Variants in ZNF565 observed in about 807,000 individuals in gnomAD.
ZNF565 encodes zinc finger protein 565.
ZNF565 carries 27 observed loss-of-function variants against 39.4 expected under a neutral mutation model. The ratio of observed to expected loss-of-function variants is 0.69; its 90% confidence interval spans 0.51 to 0.95. The LOEUF (loss-of-function observed/expected upper bound fraction) is 0.95, where lower values mean the gene tolerates loss of function less well. ZNF565 is among the 40% of genes least tolerant of loss of function. The pLI is 0.00. For missense variants in ZNF565, 524 were observed against 621.1 expected, an observed-to-expected ratio of 0.84 and a Z score of 1.66; for synonymous variants, 185 against 216.6, an observed-to-expected ratio of 0.85 and a Z score of 1.28.
At chr19:36,221,633 G>A (rs961064057) in intron 1 of ZNF565, among the ~76,000 whole-genome samples, 4 of 152,118 alleles carry the variant, frequency 2.6e-5, no homozygotes, top group African/African-American at 7.2e-5. Context: ...ATTGAAGTAA[G>A]TAATGCATTT....
intron 1 of ZNF565, among the ~76,000 whole-genome samples, chr19:36,205,150 A>C (rs1015965375): frequency 1.8e-4 from 27 of 152,186 alleles, no homozygotes; most frequent in African/African-American, 6.3e-4. Context: ...TTCTTTGGGA[A>C]GCTGAGGTGT....
intron 1 of ZNF565, chr19:36,236,763 C>T: frequency 6.2e-7 from 1 of 1,614,144 alleles, no homozygotes; most frequent in Non-Finnish European, 8.5e-7. Flanking sequence ...TGCGGGAAAG[C>T]TTTCATTCAG....
chr19:36,187,996 C>T (rs759660390), intron 4 of ZNF565, among the ~76,000 whole-genome samples: 6 of 151,584 alleles, frequency 4.0e-5, no homozygotes, highest in Non-Finnish European at 8.8e-5. Flanking sequence ...TTAACAAAAT[C>T]GTCATCTTGG....
chr19:36,214,377 C>G (rs1354123197), intron 1 of ZNF565, among the ~76,000 whole-genome samples: 4 of 152,178 alleles, frequency 2.6e-5, no homozygotes, highest in African/African-American at 4.8e-5. Context: ...GGGACACACG[C>G]AGTATCACCC....
chr19:36,200,196 T>C (rs192023268), intron 2 of ZNF565, among the ~76,000 whole-genome samples: 5 of 151,574 alleles, frequency 3.3e-5, no homozygotes, highest in Admixed American at 1.3e-4. Context: ...CGGCTAATTT[T>C]TGTATTTTCA....
intron 1 of ZNF565, among the ~76,000 whole-genome samples, chr19:36,202,480 T>C: frequency 6.6e-6 from 1 of 151,800 alleles, no homozygotes; most frequent in East Asian, 1.9e-4. Context: ...GAAAGATGGT[T>C]TCAAGGCAGA....
At chr19:36,194,559 A>G (rs1225800943) in intron 3 of ZNF565, 4 of 494,452 alleles carry the variant, frequency 8.1e-6, no homozygotes, top group African/African-American at 1.9e-5. Context: ...AGAAATTCAT[A>G]ATGAAGAAAC....
chr19:36,191,734 C>A (rs1195103919), intron 4 of ZNF565, among the ~76,000 whole-genome samples: 1 of 152,100 alleles, frequency 6.6e-6, no homozygotes, highest in East Asian at 1.9e-4. Flanking sequence ...GGGCTAGGGA[C>A]AGTTCTTCCT....
chr19:36,182,948 A>G lies in ZNF565; in HGVS notation c.1018T>C (p.Cys340Arg). 1 of 1,614,100 alleles carries G rather than the reference A, an allele frequency of 6.2e-7. No homozygotes were observed. The highest frequency in any genetic ancestry group is 1.1e-5 in the South Asian group (1 of 91,078). Residue 340 changes from cysteine to arginine, a missense_variant, in exon 5 of 5, where the codon TGC becomes CGC. By Grantham distance (180) the Cys-to-Arg change is radical. Transcript: ENST00000304116. ...GAGCTGTGAATAAAGCCCTTTCCGC[A>G]TTCCTTACACTCGTAGGGTTTCTCA... is the stretch of plus-strand genomic sequence containing the variant. ...TGEKPYECKE[C>R]GKGFIHSSEV...
At chr19:36,182,066 G>C (rs1489655694), downstream of ZNF565, 1 of 161,182 alleles carries the variant, frequency 6.2e-6, no homozygotes, top group Non-Finnish European at 1.3e-5. Flanking sequence ...TGGCCAGGCT[G>C]GTCTCAAACT....
intron 1 of ZNF565, among the ~76,000 whole-genome samples, chr19:36,234,310 G>A (rs1977544354): frequency 7.5e-6 from 1 of 133,610 alleles, no homozygotes. Context: ...GTAACAGTCT[G>A]ATCTCTCTTT....
intron 1 of ZNF565, chr19:36,228,337 A>G (rs1375403956): frequency 6.6e-6 from 1 of 152,184 alleles, no homozygotes; most frequent in African/African-American, 2.4e-5. Flanking sequence ...TGGGTGTTGA[A>G]TTCATCCACG....
At chr19:36,224,951 A>G (rs34242075) in intron 1 of ZNF565, among the ~76,000 whole-genome samples, 7,785 of 150,888 alleles carry the variant, frequency 0.052, 255 homozygotes, top group Non-Finnish European at 0.069. Context: ...GTTGATTTCT[A>G]CATACTAATA....
At chr19:36,238,044 T>C (rs565711273) in intron 1 of ZNF565, 7 of 167,244 alleles carry the variant, frequency 4.2e-5, no homozygotes, top group African/African-American at 1.7e-4. Flanking sequence ...CGCACTAGGA[T>C]ATTTACTGTG....
At chr19:36,236,993 G>A in intron 1 of ZNF565, 1 of 1,614,194 alleles carries the variant, frequency 6.2e-7, no homozygotes, top group Non-Finnish European at 8.5e-7. Context: ...GAAACCCTAT[G>A]AATGTAACGA....
At chr19:36,195,665 C>T in intron 2 of ZNF565, among the ~76,000 whole-genome samples, 1 of 141,434 alleles carries the variant, frequency 7.1e-6, no homozygotes, top group African/African-American at 2.7e-5. Context: ...CTGCCTCAGC[C>T]TCCCGAATAG....
chr19:36,219,092 G>A (rs1976734413), upstream of ZNF565, among the ~76,000 whole-genome samples: 1 of 152,196 alleles, frequency 6.6e-6, no homozygotes, highest in South Asian at 2.1e-4. Flanking sequence ...ACAGGCGTGA[G>A]CCACTGCGCC....
At chr19:36,200,936 C>G (rs773897918) in intron 2 of ZNF565, among the ~76,000 whole-genome samples, 5 of 151,726 alleles carry the variant, frequency 3.3e-5, no homozygotes, top group Non-Finnish European at 5.9e-5. Context: ...AGGCACCCAC[C>G]ACCACTGCAC....
chr19:36,219,312 C>T (rs1055417581), upstream of ZNF565, among the ~76,000 whole-genome samples: 1 of 152,106 alleles, frequency 6.6e-6, no homozygotes, highest in African/African-American at 2.4e-5. Flanking sequence ...CAGGTGTGTG[C>T]CACCACGACC....
Sources: gnomAD v4.1 joint callset for allele counts (sites outside exome capture counted in the v4.1 genomes callset) on GRCh38, gnomAD v4.1.1 for gene constraint, MANE v1.5 for transcripts, NCBI Gene and HGNC (gene_info 2026-07-23, HGNC 2026-07-21) for gene names.